Variants in BRD10 observed in about 807,000 individuals in gnomAD.
BRD10 encodes the protein uncharacterized bromodomain-containing protein 10.
the BRD10 span, chr9:5,920,126 T>C: frequency 1.2e-6 from 2 of 1,613,824 alleles, no homozygotes; most frequent in South Asian, 1.1e-5. Context: ...TAGAGGATGT[T>C]GTAGAGGTTG....
At chr9:5,897,322 A>G in the BRD10 span, among the ~76,000 whole-genome samples, 2 of 152,224 alleles carry the variant, frequency 1.3e-5, no homozygotes, top group Non-Finnish European at 2.9e-5. Context: ...GGGCCATGCC[A>G]ATTAGCAGAG....
chr9:5,988,507 C>G, the BRD10 span: 20 of 1,613,792 alleles, frequency 1.2e-5, no homozygotes, highest in African/African-American at 2.7e-5. Context: ...ATAATAGCCT[C>G]TAGATGTAAC....
At chr9:5,977,709 C>A in the BRD10 span, among the ~76,000 whole-genome samples, 3 of 152,130 alleles carry the variant, frequency 2.0e-5, no homozygotes, top group African/African-American at 7.2e-5. Context: ...GTGGCAAGCG[C>A]CTGTAGTCCC....
the BRD10 span, among the ~76,000 whole-genome samples, chr9:5,889,186 A>G: frequency 6.6e-6 from 1 of 152,220 alleles, no homozygotes; most frequent in Non-Finnish European, 1.5e-5. Context: ...AAAAAGCCCA[A>G]TTGTCCATGA....
At chr9:5,968,191 C>T in the BRD10 span, 1 of 1,612,166 alleles carries the variant, frequency 6.2e-7, no homozygotes, top group Non-Finnish European at 8.5e-7. Context: ...TTTTTGCCCT[C>T]ATTTTAGTTA....
the BRD10 span, among the ~76,000 whole-genome samples, chr9:5,984,063 A>C: frequency 1.2e-4 from 18 of 152,040 alleles, no homozygotes; most frequent in African/African-American, 2.4e-4. Context: ...TCAAAAAAAA[A>C]CCTCAGAATT....
At chr9:5,951,924 C>T in the BRD10 span, among the ~76,000 whole-genome samples, 1 of 152,088 alleles carries the variant, frequency 6.6e-6, no homozygotes, top group Non-Finnish European at 1.5e-5. Flanking sequence ...ACTATTACTC[C>T]TCTCTATCCT....
chr9:5,923,323 A>C, the BRD10 span: 1 of 1,569,416 alleles, frequency 6.4e-7, no homozygotes, highest in Non-Finnish European at 8.6e-7. Flanking sequence ...AAAATTATAA[A>C]AACGGGCATT....
At chr9:5,993,374 T>C in the BRD10 span, among the ~76,000 whole-genome samples, 16 of 148,386 alleles carry the variant, frequency 1.1e-4, no homozygotes, top group Non-Finnish European at 1.8e-4. Flanking sequence ...AGTTCACCTA[T>C]CCATTTAAAA....
the BRD10 span, chr9:5,924,927 T>C: frequency 4.0e-6 from 4 of 989,184 alleles, no homozygotes; most frequent in Admixed American, 3.0e-5. Flanking sequence ...CATTTTAAAC[T>C]ACATATGGAA....
chr9:5,907,871 T>C, the BRD10 span, among the ~76,000 whole-genome samples: 1 of 152,334 alleles, frequency 6.6e-6, no homozygotes, highest in African/African-American at 2.4e-5. Context: ...GAGAATCACT[T>C]GAACCCGGGA....
the BRD10 span, among the ~76,000 whole-genome samples, chr9:5,966,185 C>A: frequency 1.3e-5 from 2 of 152,124 alleles, no homozygotes; most frequent in African/African-American, 4.8e-5. Flanking sequence ...GCTTAGAGTA[C>A]TTGCTGAATA....
chr9:5,955,853 A>T, the BRD10 span, among the ~76,000 whole-genome samples: 3 of 152,174 alleles, frequency 2.0e-5, no homozygotes, highest in Non-Finnish European at 4.4e-5. Flanking sequence ...AGCAATACTC[A>T]GGGAGAAGTG....
the BRD10 span, chr9:5,921,830 G>A: frequency 8.3e-5 from 134 of 1,613,864 alleles, no homozygotes; most frequent in Non-Finnish European, 2.5e-5. Flanking sequence ...CATGTGTGAA[G>A]TTTTATCTAT....
the BRD10 span, among the ~76,000 whole-genome samples, chr9:5,992,132 T>G: frequency 6.6e-6 from 1 of 152,222 alleles, no homozygotes; most frequent in Non-Finnish European, 1.5e-5. Flanking sequence ...TAGTTTCTTT[T>G]TCATGTCACT....
At chr9:5,897,599 A>G in the BRD10 span, 1 of 1,614,148 alleles carries the variant, frequency 6.2e-7, no homozygotes, top group South Asian at 1.1e-5. Flanking sequence ...TGGGAGTCTT[A>G]CTGCTCATCG....
the BRD10 span, chr9:5,909,077 G>C: frequency 1.5e-5 from 4 of 272,382 alleles, no homozygotes; most frequent in Non-Finnish European, 2.8e-5. Flanking sequence ...TCAGGTTTTC[G>C]AACCTTGACC....
At chr9:5,974,244 T>A in the BRD10 span, among the ~76,000 whole-genome samples, 31 of 152,134 alleles carry the variant, frequency 2.0e-4, no homozygotes, top group Admixed American at 2.6e-4. Flanking sequence ...AAGTGCTGAA[T>A]TAATATAACT....
At chr9:5,931,843 T>C in the BRD10 span, among the ~76,000 whole-genome samples, 3 of 152,172 alleles carry the variant, frequency 2.0e-5, no homozygotes, top group South Asian at 6.2e-4. Flanking sequence ...CAAGTTTTTA[T>C]GTTGCTCAAA....
Sources: allele counts gnomAD v4.1 joint callset (sites outside exome capture counted in the v4.1 genomes callset), GRCh38; gene constraint gnomAD v4.1.1; transcripts MANE v1.5; gene names NCBI Gene and HGNC (gene_info 2026-07-23, HGNC 2026-07-21).